Variants in CDK14 observed in about 807,000 individuals in gnomAD.
The protein encoded by CDK14 is cyclin-dependent kinase 14.
A neutral mutation model predicts 60.7 loss-of-function variants in CDK14; 34 were observed. That is an observed-to-expected ratio of 0.56 (90% CI 0.43 to 0.75). The LOEUF is 0.75. Ranked by LOEUF, CDK14 falls within the 30% of genes least tolerant of loss-of-function variation. CDK14 has a pLI of 0.00. For missense variants in CDK14, 482 were observed against 564.1 expected, an observed-to-expected ratio of 0.85 and a Z score of 1.47; for synonymous variants, 197 against 203.7, an observed-to-expected ratio of 0.97 and a Z score of 0.28.
At chr7:91,128,089 C>G (rs1011004021) in intron 14 of CDK14, among the ~76,000 whole-genome samples, 2 of 152,270 alleles carry the variant, frequency 1.3e-5, no homozygotes, top group East Asian at 1.9e-4. Context: ...TGGCTGAACA[C>G]TAAAGGATGT....
intron 11 of CDK14, among the ~76,000 whole-genome samples, chr7:91,057,484 C>G (rs1224421822): frequency 6.6e-6 from 1 of 151,904 alleles, no homozygotes; most frequent in African/African-American, 2.4e-5. Flanking sequence ...CTTGCCCATG[C>G]CTATGTCCTG....
chr7:91,073,541 C>T (rs1161071387), intron 11 of CDK14, among the ~76,000 whole-genome samples: 1 of 151,952 alleles, frequency 6.6e-6, no homozygotes, highest in African/African-American at 2.4e-5. Context: ...GTAGCCACTG[C>T]AAAAAACACA....
chr7:90,697,796 C>T (rs750531950), intron 2 of CDK14, among the ~76,000 whole-genome samples: 40 of 152,088 alleles, frequency 2.6e-4, no homozygotes, highest in African/African-American at 7.5e-4. Context: ...CGGCCGGGCA[C>T]GGTGGCTCAC....
At chr7:90,823,902 G>A (rs919988984) in intron 5 of CDK14, among the ~76,000 whole-genome samples, 1 of 152,154 alleles carries the variant, frequency 6.6e-6, no homozygotes, top group Admixed American at 6.5e-5. Flanking sequence ...ATGGCACATA[G>A]TAGGCACTTT....
In CDK14 at chr7:90,870,398, C is replaced by T. The variant is rs61036245; in HGVS notation, c.639+7129C>T. Reference sequence around the variant, plus strand: ...GGAAAAATAACTAATGGATACTAGGCTTAACACCTAGGTGATGAAATAATT... The same window carrying T: ...GGAAAAATAACTAATGGATACTAGGTTTAACACCTAGGTGATGAAATAATT... On this transcript the variant is annotated intron_variant, in intron 6 of 14. Transcript: ENST00000380050. Among the ~76,000 whole-genome samples, 1,316 of 152,224 alleles carry T rather than the reference C, an allele frequency of 8.6e-3. 29 individuals carry two copies. Among genetic ancestry groups the T allele is most frequent in the African/African-American group, 0.03 (1,240 of 41,532 alleles).
Position 90,728,460 on chromosome 7 carries a change from G to T in CDK14, c.369+1648G>T, listed in dbSNP as rs1440740240. Among the ~76,000 whole-genome samples the T allele has an allele frequency of 4.6e-5, 7 of 150,866 alleles. No individual in the cohort carries two copies. The East Asian group carries it at 1.4e-3, about 29-fold the overall frequency. On this transcript the variant is annotated intron_variant, in intron 3 of 14. Coordinates refer to ENST00000380050, the MANE Select transcript of CDK14 (RefSeq NM_001287135.2). ...CTTTTAATTTTTAACCCTTCAATTG[G>T]ATTTTTAATTATACTAATATTTATT...
intron 2 of CDK14, among the ~76,000 whole-genome samples, chr7:90,663,598 A>G (rs1469865783): frequency 3.3e-5 from 5 of 152,186 alleles, no homozygotes; most frequent in Non-Finnish European, 5.9e-5. Flanking sequence ...TTCTGCTTCA[A>G]TATTTTGGTC....
chr7:90,737,277 G>A (rs1003741195), intron 3 of CDK14, among the ~76,000 whole-genome samples: 5 of 152,092 alleles, frequency 3.3e-5, no homozygotes, highest in African/African-American at 7.2e-5. Context: ...CTTAAAGAGG[G>A]CATATTTTCA....
At chr7:91,149,506 C>G (rs1800767155) in intron 14 of CDK14, among the ~76,000 whole-genome samples, 1 of 152,122 alleles carries the variant, frequency 6.6e-6, no homozygotes. Context: ...TAACATGTAG[C>G]TAATGCATAA....
At chr7:90,671,008 TA>T (rs1449968566) in intron 2 of CDK14, among the ~76,000 whole-genome samples, 4 of 151,994 alleles carry the variant, frequency 2.6e-5, no homozygotes, top group Non-Finnish European at 4.4e-5. Context: ...AAATAAAGAA[TA>T]GGGGAGGTTT....
intron 2 of CDK14, among the ~76,000 whole-genome samples, chr7:90,687,777 C>T (rs1801468399): frequency 6.6e-6 from 1 of 152,000 alleles, no homozygotes; most frequent in Non-Finnish European, 1.5e-5. Context: ...TTTTGAAAGA[C>T]ATTTGAAAGA....
rs369181993 is a variant in CDK14 at position 91,075,571 on chromosome 7, T to C, written c.1106-3861T>C. On this transcript the variant is annotated intron_variant, in intron 11 of 14. Coordinates refer to ENST00000380050, the MANE Select transcript of CDK14 (RefSeq NM_001287135.2). ...GAAAACCGTCACAAGACAAGGATGC[T>C]CTCTCTCAACACTCCTATTCAACAT... Among the ~76,000 whole-genome samples the C allele has an allele frequency of 1.3e-3, 193 of 152,240 alleles. 3 individuals carry two copies. The highest frequency in any genetic ancestry group is 4.3e-3 in the African/African-American group (180 of 41,554).
chr7:90,958,067 A>G (rs1000232748), intron 9 of CDK14, among the ~76,000 whole-genome samples: 3 of 152,098 alleles, frequency 2.0e-5, no homozygotes, highest in African/African-American at 7.2e-5. Flanking sequence ...ACTGTTGTAT[A>G]CTTACTTACT....
At chr7:90,969,449 G>A (rs1023938084) in intron 9 of CDK14, among the ~76,000 whole-genome samples, 2 of 152,182 alleles carry the variant, frequency 1.3e-5, no homozygotes, top group African/African-American at 4.8e-5. Flanking sequence ...ATTGCTTGAT[G>A]TGTCTTTTGC....
chr7:90,600,304 T>C (rs1799288096), intron 1 of CDK14, among the ~76,000 whole-genome samples: 1 of 152,234 alleles, frequency 6.6e-6, no homozygotes, highest in African/African-American at 2.4e-5. Flanking sequence ...TTAAAGTTCA[T>C]TTCCTCTTTT....
At chr7:90,606,367 G>C (rs925974747) in intron 2 of CDK14, among the ~76,000 whole-genome samples, 1 of 152,104 alleles carries the variant, frequency 6.6e-6, no homozygotes, top group Middle Eastern at 3.2e-3. Flanking sequence ...TCCTTTAAGG[G>C]TTAAGATAAT....
chr7:91,031,949 G>A (rs369203088), intron 10 of CDK14, among the ~76,000 whole-genome samples: 136 of 152,306 alleles, frequency 8.9e-4, no homozygotes, highest in African/African-American at 2.9e-3. Context: ...CTCACCTTCC[G>A]TCTGTCAGTC....
chr7:91,045,264 T>A (rs17403333), intron 10 of CDK14, among the ~76,000 whole-genome samples: 20,410 of 152,150 alleles, frequency 0.13, 1,484 homozygotes, highest in Middle Eastern at 0.17. Context: ...CATTAGTTCC[T>A]TTCCCCAGAT....
intron 9 of CDK14, among the ~76,000 whole-genome samples, chr7:90,975,407 T>C (rs913174372): frequency 6.6e-6 from 1 of 151,928 alleles, no homozygotes; most frequent in Non-Finnish European, 1.5e-5. Context: ...TTTTGATACA[T>C]ATAATGTATA....
Sources: gnomAD v4.1 joint callset for allele counts (sites outside exome capture counted in the v4.1 genomes callset) on GRCh38, gnomAD v4.1.1 for gene constraint, MANE v1.5 for transcripts, NCBI Gene and HGNC (gene_info 2026-07-23, HGNC 2026-07-21) for gene names.